Variants in VEGFC observed in about 807,000 individuals in gnomAD.
VEGFC encodes the protein FLT4 ligand DHM.
VEGFC carries 12 observed loss-of-function variants against 46.1 expected under a neutral mutation model. The ratio of observed to expected loss-of-function variants is 0.26; its 90% CI spans 0.17 to 0.42. VEGFC has a LOEUF of 0.42. Ranked by LOEUF, VEGFC falls within the 10% of genes least tolerant of loss-of-function variation. The pLI is 1.00. For synonymous variants in VEGFC, 232 were observed against 195.5 expected, an observed-to-expected ratio of 1.19 and a Z score of -1.56; for missense variants, 488 against 529.4, an observed-to-expected ratio of 0.92 and a Z score of 0.77.
chr4:176,711,142 G>A (rs1734613613), intron 4 of VEGFC, among the ~76,000 whole-genome samples: 1 of 151,940 alleles, frequency 6.6e-6, no homozygotes, highest in Admixed American at 6.6e-5. Flanking sequence ...TCTTATCAAG[G>A]CTGAAATGTT....
In VEGFC at chr4:176,792,340, T is replaced by C; in HGVS notation, c.-29A>G. On this transcript the variant is annotated 5_prime_UTR_variant, in exon 1 of 7. Transcript: ENST00000618562. The surrounding 1 kb of genome is among the most constrained non-coding windows in gnomAD (Gnocchi z 6.3). ...GGAAGGACCGGGGGTGGGGGACCGGTCCGCTGGCGGGGGCAGGGGTGGGGG... is the reference window on the plus strand; with the variant it reads ...GGAAGGACCGGGGGTGGGGGACCGGCCCGCTGGCGGGGGCAGGGGTGGGGG... 8.6e-7 allele frequency: 1 copy of C among 1,165,178 alleles called. No homozygotes were observed. Among genetic ancestry groups the C allele is most frequent in the Non-Finnish European group, 1.1e-6 (1 of 872,116 alleles). 72.2% of individuals were successfully genotyped at this position (1,165,178 alleles called of 1,614,324 possible). A position where few individuals can be genotyped will look rare whatever the true frequency, so the allele number is the denominator to read the frequency against.
At chr4:176,758,074 C>T (rs955655115) in intron 1 of VEGFC, among the ~76,000 whole-genome samples, 2 of 152,010 alleles carry the variant, frequency 1.3e-5, no homozygotes, top group African/African-American at 4.8e-5. Context: ...AATATACATT[C>T]TTTATTACTT....
chr4:176,769,435 T>TTCTA (rs1735687198), intron 1 of VEGFC, among the ~76,000 whole-genome samples: 3 of 152,114 alleles, frequency 2.0e-5, no homozygotes, highest in African/African-American at 7.2e-5. Context: ...AACAGAGAAG[T>TTCTA]TCTAATAACT....
At chr4:176,783,389 T>C (rs1240097191) in intron 1 of VEGFC, among the ~76,000 whole-genome samples, 2 of 152,242 alleles carry the variant, frequency 1.3e-5, no homozygotes, top group African/African-American at 4.8e-5. Flanking sequence ...GATGATTTCA[T>C]TGTAAATTTA....
chr4:176,739,169 G>A (rs2111028855), intron 1 of VEGFC, among the ~76,000 whole-genome samples: 1 of 152,048 alleles, frequency 6.6e-6, no homozygotes, highest in Admixed American at 6.6e-5. Flanking sequence ...TGCTGGTGGT[G>A]TTGTGGAGAA....
rs571024810 is a variant in VEGFC, at chr4:176,782,638, C to A, written c.147+9527G>T. Among the ~76,000 whole-genome samples the A allele has an allele frequency of 2.2e-4, 33 of 151,958 alleles. 1 individual carries two copies. Among genetic ancestry groups the A allele is most frequent in the Admixed American group, 7.9e-4 (12 of 15,260 alleles). Reference sequence around the variant, plus strand: ...CTTCATTTTATTATATGCTTACATACAATTCTAATTCTGAAATACAAATAT... The same window carrying A: ...CTTCATTTTATTATATGCTTACATAAAATTCTAATTCTGAAATACAAATAT... On this transcript the variant is annotated intron_variant, in intron 1 of 6. Coordinates refer to ENST00000618562, the MANE Select transcript of VEGFC (RefSeq NM_005429.5).
At chr4:176,719,583 C>T (rs1734749456) in intron 3 of VEGFC, among the ~76,000 whole-genome samples, 1 of 152,176 alleles carries the variant, frequency 6.6e-6, no homozygotes, top group South Asian at 2.1e-4. Flanking sequence ...ACTTTTCCTT[C>T]ACAACACTTA....
At chr4:176,780,100 C>T (rs1195676850) in intron 1 of VEGFC, among the ~76,000 whole-genome samples, 2 of 152,158 alleles carry the variant, frequency 1.3e-5, no homozygotes, top group Admixed American at 1.3e-4. Context: ...CTTTTCTAGG[C>T]CAGGTGTGGT....
intron 1 of VEGFC, among the ~76,000 whole-genome samples, chr4:176,740,456 GA>G (rs1348833220): frequency 1.6e-5 from 2 of 125,676 alleles, no homozygotes; most frequent in African/African-American, 5.9e-5. Flanking sequence ...AGAGTATATA[GA>G]GTATATATAA....
chr4:176,704,506 G>A (rs545606522), intron 4 of VEGFC, among the ~76,000 whole-genome samples: 64 of 152,166 alleles, frequency 4.2e-4, no homozygotes, highest in Admixed American at 8.5e-4. Flanking sequence ...TCCCCCATAT[G>A]CGGTTCCCAA....
Position 176,687,404 on chromosome 4 carries a change from G to C in VEGFC, c.928C>G (p.Leu310Val). Residue 310 changes from leucine (L) to valine (V), a missense_variant, in exon 6 of 7, where the codon CTA (leucine) becomes GTA (valine). Physicochemically the swap from Leu to Val is conservative, Grantham distance 32 (BLOSUM62 1). Transcript: ENST00000618562. The stretch of plus-strand genomic sequence containing the variant: ...ACACACTGGCATGAGTTTCTGTCTA[G>C]TTCTTTGTGGGGTCCACAGCTGGCA... ...RPASCGPHKE[L>V]DRNSCQCVCK... The C allele has an allele frequency of 6.2e-7, 1 of 1,614,160 alleles. No individual in the cohort carries two copies.
At chr4:176,719,700 C>T (rs1158761106) in intron 3 of VEGFC, among the ~76,000 whole-genome samples, 1 of 152,170 alleles carries the variant, frequency 6.6e-6, no homozygotes, top group East Asian at 1.9e-4. Context: ...GCATAGCATG[C>T]TTTTAGTACA....
intron 1 of VEGFC, among the ~76,000 whole-genome samples, chr4:176,780,875 A>C (rs938378878): frequency 2.0e-5 from 3 of 152,134 alleles, no homozygotes; most frequent in African/African-American, 7.2e-5. Flanking sequence ...AATTTTAAAT[A>C]TTTTCAATCT....
intron 1 of VEGFC, among the ~76,000 whole-genome samples, chr4:176,755,784 T>G (rs376934962): frequency 1.3e-4 from 20 of 152,068 alleles, no homozygotes; most frequent in African/African-American, 4.3e-4. Flanking sequence ...CTATGATGAA[T>G]GTATTACCAC....
chr4:176,791,019 A>T lies in VEGFC; in HGVS notation c.147+1146T>A, dbSNP rs1379837938. On this transcript the variant is annotated intron_variant, in intron 1 of 6. Transcript: ENST00000618562. ...ATGTTTTCCCAAAATTTAAATGCAA[A>T]GGTAGTTTGATTTCCAAAAATTAGT... is the stretch of plus-strand genomic sequence containing the variant. 2.0e-5 allele frequency among the ~76,000 whole-genome samples: 3 copies of T among 152,190 alleles called. No individual in the cohort carries two copies. In the East Asian group the frequency reaches 5.8e-4, roughly 29 times the overall value.
At chr4:176,687,976 A>C in intron 4 of VEGFC, 49 bp from the exon 5 acceptor site, 1 of 1,049,046 alleles carries the variant, frequency 9.5e-7, no homozygotes, top group Non-Finnish European at 1.5e-6. Flanking sequence ...TGGTACCTAG[A>C]AGGGACCATC....
chr4:176,769,079 G>A (rs1020371201), intron 1 of VEGFC, among the ~76,000 whole-genome samples: 2 of 152,218 alleles, frequency 1.3e-5, no homozygotes, highest in South Asian at 2.1e-4. Context: ...AAGAGGCTTG[G>A]GAGAGCCTGC....
chr4:176,772,155 C>A (rs1213932656), intron 1 of VEGFC, among the ~76,000 whole-genome samples: 2 of 152,110 alleles, frequency 1.3e-5, no homozygotes, highest in South Asian at 2.1e-4. Context: ...GAAATCAACA[C>A]CAATATGTTA....
At chr4:176,740,426 GTTATATATATATTCTATAT>G (rs1429206534) in intron 1 of VEGFC, among the ~76,000 whole-genome samples, 54 of 41,712 alleles carry the variant, frequency 1.3e-3, no homozygotes, top group South Asian at 5.2e-3. Context: ...TCTATATATA[GTTATATATATATTCTATAT>G]AGAGTATATA....
Sources: allele counts gnomAD v4.1 joint callset (sites outside exome capture counted in the v4.1 genomes callset), GRCh38; gene constraint gnomAD v4.1.1; non-coding constraint Gnocchi (gnomAD v3.1); transcripts MANE v1.5; gene names NCBI Gene and HGNC (gene_info 2026-07-23, HGNC 2026-07-21).